SYCE3: variants seen among roughly 807,000 people sequenced by gnomAD.
SYCE3 encodes the protein synaptonemal complex central element protein 3, also known as testis highly expressed gene 2 protein.
SYCE3 carries 3 observed loss-of-function variants against 8.1 expected under a neutral mutation model. The observed-to-expected ratio is 0.37, with a 90% CI of 0.17 to 0.96. SYCE3 has a LOEUF of 0.96. Among genes scored for constraint, SYCE3 ranks in the 40% least tolerant of loss-of-function variants. The pLI is 0.41. For missense variants in SYCE3, 83 were observed against 110.0 expected, an observed-to-expected ratio of 0.75 and a Z score of 1.10; for synonymous variants, 36 against 38.7, an observed-to-expected ratio of 0.93 and a Z score of 0.26.
At chr22:50,557,179 G>A (rs2069868823) in intron 1 of SYCE3, among the ~76,000 whole-genome samples, 1 of 142,546 alleles carries the variant, frequency 7.0e-6, no homozygotes, top group Admixed American at 7.2e-5. Context: ...TTTTTGAGAC[G>A]AAGTTTTGCT....
intron 2 of SYCE3, among the ~76,000 whole-genome samples, chr22:50,555,954 C>T (rs6009993): frequency 0.084 from 12,684 of 151,240 alleles, 1,180 homozygotes; most frequent in African/African-American, 0.23. Flanking sequence ...CCACCACACC[C>T]AGCTAATTTT....
intron 1 of SYCE3, among the ~76,000 whole-genome samples, chr22:50,557,128 T>C (rs1000559790): frequency 4.0e-5 from 6 of 151,406 alleles, no homozygotes; most frequent in African/African-American, 1.5e-4. Context: ...TTACACATCT[T>C]CTCGACAAAT....
At chr22:50,554,565 G>T (rs369648513) in intron 2 of SYCE3, among the ~76,000 whole-genome samples, 3 of 152,044 alleles carry the variant, frequency 2.0e-5, no homozygotes, top group African/African-American at 2.4e-5. Flanking sequence ...ATGGTGGCAG[G>T]CGCCTGTAAT....
At chr22:50,558,444 G>C (rs1280126027) in intron 1 of SYCE3, among the ~76,000 whole-genome samples, 2 of 149,196 alleles carry the variant, frequency 1.3e-5, no homozygotes, top group Non-Finnish European at 3.0e-5. Flanking sequence ...AAAAAAAAAA[G>C]AAAGAAAATT....
chr22:50,552,227 C>T (rs1209802826), intron 2 of SYCE3, among the ~76,000 whole-genome samples: 1 of 152,210 alleles, frequency 6.6e-6, no homozygotes, highest in Non-Finnish European at 1.5e-5. Flanking sequence ...TCACAAGCAT[C>T]CCAGATCGTT....
At chr22:50,551,493 A>C in intron 2 of SYCE3, 91 bp from the exon 3 acceptor site, 1 of 1,368,134 alleles carries the variant, frequency 7.3e-7, no homozygotes, top group Non-Finnish European at 9.8e-7. Context: ...AGCTGGGCTC[A>C]GCATCTGGAG....
intron 1 of SYCE3, among the ~76,000 whole-genome samples, chr22:50,561,231 C>T (rs895771261): frequency 8.6e-5 from 13 of 151,998 alleles, no homozygotes; most frequent in South Asian, 2.1e-4. Flanking sequence ...ATAAGTGGGG[C>T]GTTGGGGTGG....
At chr22:50,554,194 C>CA (rs397954769) in intron 2 of SYCE3, among the ~76,000 whole-genome samples, 10,638 of 108,470 alleles carry the variant, frequency 0.098, 557 homozygotes, top group East Asian at 0.29. Context: ...GACTCTGTCT[C>CA]AAAAAAAAAA....
At chr22:50,561,671 A>G (rs1006025167) in intron 1 of SYCE3, among the ~76,000 whole-genome samples, 5 of 151,926 alleles carry the variant, frequency 3.3e-5, no homozygotes, top group Non-Finnish European at 7.4e-5. Flanking sequence ...CCTGGTACGA[A>G]GAGTTTCTAA....
At chr22:50,562,691 G>A (rs2069941691) in intron 1 of SYCE3, among the ~76,000 whole-genome samples, 167 bp downstream of exon 1, 1 of 146,748 alleles carries the variant, frequency 6.8e-6, no homozygotes, top group South Asian at 2.2e-4. Flanking sequence ...GTCGGGGGAG[G>A]GGCATGGGGT....
intron 1 of SYCE3, among the ~76,000 whole-genome samples, chr22:50,560,890 C>T (rs1003301353): frequency 3.3e-5 from 5 of 152,142 alleles, no homozygotes; most frequent in Middle Eastern, 3.4e-3. Flanking sequence ...ATTTCAGGCC[C>T]GATGGTCTCT....
intron 1 of SYCE3, among the ~76,000 whole-genome samples, chr22:50,557,604 G>A (rs1239435452): frequency 6.6e-6 from 1 of 152,152 alleles, no homozygotes; most frequent in African/African-American, 2.4e-5. Flanking sequence ...TATTTAAAAT[G>A]TTGAACAGTA....
chr22:50,556,453 A>C, intron 1 of SYCE3, 48 bp from the exon 2 acceptor site: 2 of 1,318,822 alleles, frequency 1.5e-6, no homozygotes, highest in Non-Finnish European at 2.1e-6. Flanking sequence ...CCTACATTTC[A>C]AATCCAGCTC....
chr22:50,552,328 C>A (rs752086248), intron 2 of SYCE3, among the ~76,000 whole-genome samples: 1 of 152,174 alleles, frequency 6.6e-6, no homozygotes, highest in South Asian at 2.1e-4. Context: ...CCCCACCTGA[C>A]GACTCTGTGA....
chr22:50,555,862 C>T (rs6009922), intron 2 of SYCE3, among the ~76,000 whole-genome samples: 121 of 149,980 alleles, frequency 8.1e-4, no homozygotes, highest in African/African-American at 2.8e-3. Flanking sequence ...GGCACCATCT[C>T]GGCTCACTGC....
intron 2 of SYCE3, among the ~76,000 whole-genome samples, chr22:50,553,627 G>A (rs1445854683): frequency 6.6e-6 from 1 of 152,096 alleles, no homozygotes; most frequent in Non-Finnish European, 1.5e-5. Flanking sequence ...CCGTCACCCA[G>A]GCTGCAGTGC....
chr22:50,552,568 G>C (rs1381572888), intron 2 of SYCE3, among the ~76,000 whole-genome samples: 1 of 152,216 alleles, frequency 6.6e-6, no homozygotes, highest in Non-Finnish European at 1.5e-5. Flanking sequence ...TGAGGCAGGA[G>C]AATCGCTTGA....
At chr22:50,557,723 G>A (rs1057088082) in intron 1 of SYCE3, among the ~76,000 whole-genome samples, 2 of 125,402 alleles carry the variant, frequency 1.6e-5, no homozygotes, top group Non-Finnish European at 3.5e-5. Context: ...AGAAAAGAGA[G>A]AAATAGATAA....
intron 2 of SYCE3, among the ~76,000 whole-genome samples, chr22:50,552,331 C>G (rs985229462): frequency 1.3e-5 from 2 of 152,182 alleles, no homozygotes; most frequent in African/African-American, 2.4e-5. Context: ...CACCTGACGA[C>G]TCTGTGACCT....
Sources: allele counts gnomAD v4.1 joint callset (sites outside exome capture counted in the v4.1 genomes callset), GRCh38; gene constraint gnomAD v4.1.1; transcripts MANE v1.5; gene names NCBI Gene and HGNC (gene_info 2026-07-23, HGNC 2026-07-21).